COG2: variants seen among roughly 807,000 people sequenced by gnomAD.
COG2 encodes component of oligomeric golgi complex 2.
Under a neutral mutation model 90.6 loss-of-function variants are expected in COG2, and 52 were observed. The ratio of observed to expected loss-of-function variants is 0.57; its 90% CI spans 0.46 to 0.72. The LOEUF (loss-of-function observed/expected upper bound fraction) is 0.72, where lower values mean the gene tolerates loss of function less well. COG2 is among the 30% of genes least tolerant of loss of function. The pLI, the probability that COG2 is intolerant of heterozygous loss-of-function variation, is 0.00. For missense variants in COG2, 829 were observed against 891.2 expected, an observed-to-expected ratio of 0.93 and a Z score of 0.89; for synonymous variants, 337 against 320.4, an observed-to-expected ratio of 1.05 and a Z score of -0.55.
In COG2 at chr1:230,671,659, T is replaced by C; in HGVS notation, c.899+19T>C. ...TCTCCAGGTAATTTAAACAACCCTGTGTGGACCCCCACCTCCCTTTCAGTG... is the reference window on the plus strand; with the variant it reads ...TCTCCAGGTAATTTAAACAACCCTGCGTGGACCCCCACCTCCCTTTCAGTG... On this transcript the variant is annotated intron_variant, in intron 8 of 17. Coordinates refer to ENST00000366669, the MANE Select transcript of COG2 (RefSeq NM_007357.3). 1 of 1,611,198 alleles carries C rather than the reference T, an allele frequency of 6.2e-7. No individual in the cohort carries two copies. The highest frequency in any genetic ancestry group is 1.1e-5 in the South Asian group (1 of 90,530).
In COG2 at chr1:230,679,063, T is replaced by G; in HGVS notation, c.1166+11T>G. ...TTATTTTCAAATAAGGTTGGTCATC[T>G]ATTCACCGCCCCCGCCCCGCACCCT... is the stretch of plus-strand genomic sequence containing the variant. On this transcript the variant is annotated intron_variant, in intron 10 of 17. Coordinates refer to ENST00000366669, the MANE Select transcript of COG2 (RefSeq NM_007357.3). The G allele has an allele frequency of 6.2e-7, 1 of 1,610,186 alleles. No individual in the cohort carries two copies.
intron 1 of COG2, among the ~76,000 whole-genome samples, chr1:230,652,572 G>C (rs1462081051): frequency 2.6e-5 from 4 of 152,264 alleles, no homozygotes; most frequent in African/African-American, 9.6e-5. Flanking sequence ...TAAATACGGA[G>C]CACAATTGGC....
At chr1:230,647,714 A>G (rs980033279) in intron 1 of COG2, among the ~76,000 whole-genome samples, 1 of 152,230 alleles carries the variant, frequency 6.6e-6, no homozygotes, top group African/African-American at 2.4e-5. Context: ...TAAATGGTGT[A>G]GTATTTGCAT....
intron 1 of COG2, among the ~76,000 whole-genome samples, chr1:230,644,323 G>A (rs942419789): frequency 6.6e-6 from 1 of 152,164 alleles, no homozygotes; most frequent in Middle Eastern, 3.2e-3. Flanking sequence ...TTTTTTAGGT[G>A]GAGCTTGAAG....
At chr1:230,666,654 G>C (rs1444000326) in intron 5 of COG2, among the ~76,000 whole-genome samples, 1 of 152,124 alleles carries the variant, frequency 6.6e-6, no homozygotes, top group East Asian at 1.9e-4. Flanking sequence ...CCTGAACATT[G>C]CTGACTTACG....
At chr1:230,656,100 A>C (rs945705158) in intron 1 of COG2, among the ~76,000 whole-genome samples, 1 of 150,448 alleles carries the variant, frequency 6.6e-6, no homozygotes, top group Non-Finnish European at 1.5e-5. Flanking sequence ...TCGTGTCTCT[A>C]TCTCCTTCAG....
In COG2 at chr1:230,689,865, C is replaced by T. The variant is rs1326237979; in HGVS notation, c.1795-149C>T. ...TTCTCCAGGCAGCTTTCTGTGGACC[C>T]CAGTGTTACTTTTGGGAGGGATGGA... On this transcript the variant is annotated intron_variant, in intron 15 of 17. Transcript: ENST00000366669. 5 of 692,132 alleles carry T rather than the reference C, an allele frequency of 7.2e-6. No homozygotes were observed. The African/African-American group carries it at 7.4e-5, about 10-fold the overall frequency. The allele number at this position is 692,132 out of a possible 1,614,324, so 42.9% of individuals were successfully genotyped here.
Position 230,671,715 on chromosome 1 carries a change from G to T in COG2, c.899+75G>T, listed in dbSNP as rs1280773604. The T allele has an allele frequency of 2.9e-6, 4 of 1,357,092 alleles. No homozygotes were observed. In the East Asian group the frequency reaches 9.3e-5, roughly 32 times the overall value. The allele number at this position is 1,357,092 out of a possible 1,614,324, so 84.1% of individuals were successfully genotyped here. On this transcript the variant is annotated intron_variant, in intron 8 of 17. Coordinates refer to ENST00000366669, the MANE Select transcript of COG2 (RefSeq NM_007357.3). ...ACCTGCTAATTGCAGGTGCACGATG[G>T]ACGATGACTGTCTTGTATGAACTGT...
chr1:230,650,238 A>G (rs1023483383), intron 1 of COG2, among the ~76,000 whole-genome samples: 4 of 152,106 alleles, frequency 2.6e-5, no homozygotes, highest in African/African-American at 9.7e-5. Flanking sequence ...CCCTATTAGG[A>G]TTACTAGGTC....
Position 230,691,561 on chromosome 1 carries a change from G to A in COG2, c.2112G>A (p.Glu704=), listed in dbSNP as rs1663030088. 7 of 1,607,954 alleles carry A rather than the reference G, an allele frequency of 4.4e-6. No homozygotes were observed. The highest frequency in any genetic ancestry group is 5.9e-6 in the Non-Finnish European group (7 of 1,177,088). ...CCCTAGATGTTGAGTACTTGGGAGA[G>A]CAGGTAACCCATCAGCCGCCGGCAG... ...QLALDVEYLG[E]QIQKLGLQAS... The change falls in exon 17 of 18, where the codon GAG becomes GAA. Residue 704 remains glutamate (E), a synonymous_variant. Coordinates refer to ENST00000366669, the MANE Select transcript of COG2 (RefSeq NM_007357.3).
At chr1:230,687,231 TA>T (rs1662905835) in intron 13 of COG2, 99 bp downstream of exon 13, 13 of 984,842 alleles carry the variant, frequency 1.3e-5, no homozygotes, top group Non-Finnish European at 1.9e-5. Flanking sequence ...TTACGGGGCT[TA>T]AATTGGGGGA....
Position 230,642,532 on chromosome 1 carries a change from G to A in COG2, c.-75G>A. The A allele has an allele frequency of 4.1e-6, 6 of 1,467,018 alleles. No homozygotes were observed. The highest frequency in any genetic ancestry group is 1.2e-5 in the South Asian group (1 of 81,426). 90.9% of individuals were successfully genotyped at this position (1,467,018 alleles called of 1,614,324 possible). On this transcript the variant is annotated 5_prime_UTR_variant, in exon 1 of 18. Transcript: ENST00000366669. ...GCCGTGGAAACTGGCGGTGGCCGCG[G>A]CCGCCGAGTCGGTCTGCGCAGCCTC...
At chr1:230,688,864 A>C (rs1662952965) in intron 15 of COG2, among the ~76,000 whole-genome samples, 1 of 152,160 alleles carries the variant, frequency 6.6e-6, no homozygotes, top group Non-Finnish European at 1.5e-5. Flanking sequence ...TTTTAATAAC[A>C]TTTTAAAGTC....
intron 8 of COG2, among the ~76,000 whole-genome samples, chr1:230,672,698 T>G (rs2102760515): frequency 6.6e-6 from 1 of 152,176 alleles, no homozygotes; most frequent in East Asian, 1.9e-4. Flanking sequence ...TCTCCTAATG[T>G]TCAGCATTCA....
chr1:230,644,101 C>G (rs1661697256), intron 1 of COG2, among the ~76,000 whole-genome samples: 1 of 152,182 alleles, frequency 6.6e-6, no homozygotes, highest in Non-Finnish European at 1.5e-5. Flanking sequence ...TGACAGAATG[C>G]CTTTGGTAAA....
chr1:230,646,950 CATT>C (rs1159577828), intron 1 of COG2, among the ~76,000 whole-genome samples: 4 of 152,118 alleles, frequency 2.6e-5, no homozygotes, highest in Non-Finnish European at 5.9e-5. Context: ...TCTGACTCAT[CATT>C]ATCTCTGGCC....
intron 5 of COG2, 68 bp from the exon 6 acceptor site, chr1:230,668,608 C>A: frequency 2.2e-6 from 2 of 913,154 alleles, no homozygotes; most frequent in South Asian, 1.8e-5. Context: ...CACTGCCAGG[C>A]GTGTGATGTA....
chr1:230,678,747 C>T, intron 9 of COG2, 166 bp from the exon 10 acceptor site: 1 of 1,520,434 alleles, frequency 6.6e-7, no homozygotes, highest in Non-Finnish European at 8.8e-7. Context: ...ATTTATGTAT[C>T]TTTAAATGGG....
At chr1:230,667,981 C>T (rs1459355587) in intron 5 of COG2, among the ~76,000 whole-genome samples, 1 of 151,966 alleles carries the variant, frequency 6.6e-6, no homozygotes, top group African/African-American at 2.4e-5. Context: ...TAAAGAATGC[C>T]CTCTCACTAG....
Sources: gnomAD v4.1 joint callset for allele counts (sites outside exome capture counted in the v4.1 genomes callset) on GRCh38, gnomAD v4.1.1 for gene constraint, MANE v1.5 for transcripts, NCBI Gene and HGNC (gene_info 2026-07-23, HGNC 2026-07-21) for gene names.